Variants in ABHD16A observed in about 807,000 individuals in gnomAD.
ABHD16A encodes phosphatidylserine lipase ABHD16A.
A neutral mutation model predicts 89.8 loss-of-function variants in ABHD16A; 47 were observed. That is an observed-to-expected ratio of 0.52 (90% confidence interval 0.41 to 0.67). The LOEUF is 0.67. Ranked by LOEUF, ABHD16A falls within the 30% of genes least tolerant of loss-of-function variation. The pLI, the probability that ABHD16A is intolerant of heterozygous loss-of-function variation, is 0.00. For synonymous variants in ABHD16A, 251 were observed against 280.4 expected (o/e 0.90, Z 1.05); for missense variants, 580 against 734.6 (o/e 0.79, Z 2.43).
chr6:31,688,182 G>A lies in ABHD16A; in HGVS notation c.1307+67C>T. 6.2e-7 allele frequency: 1 copy of A among 1,606,414 alleles called. No individual in the cohort carries two copies. The highest frequency in any genetic ancestry group is 1.3e-5 in the African/African-American group (1 of 74,880). On this transcript the variant is annotated intron_variant, in intron 15 of 19. Transcript: ENST00000395952. This position sits in a 1 kb window ranked among gnomAD's most constrained non-coding sequence, Gnocchi z 4.9. ...TAGATACCCAGGTTTCTGGTGGGCA[G>A]AGGTAGAAGGGACAAGTTCCTGGCC... is the stretch of plus-strand genomic sequence containing the variant.
At position 31,702,916 on chromosome 6, in the gene ABHD16A, A is replaced by T. The variant is rs148249163; in HGVS notation, c.132+234T>A. On this transcript the variant is annotated intron_variant, in intron 1 of 19. Transcript: ENST00000395952. Reference sequence around the variant, plus strand: ...CAGGGTCGGGGGGACGCGGAGAGGAAAGAACAAAGAGTGGCAGTCGGAATG... The same window carrying T: ...CAGGGTCGGGGGGACGCGGAGAGGATAGAACAAAGAGTGGCAGTCGGAATG... The T allele has an allele frequency of 5.0e-4, 656 of 1,304,468 alleles. 4 individuals carry two copies. In the African/African-American group the frequency reaches 9.5e-3, roughly 19 times the overall value. 80.8% of individuals were successfully genotyped at this position (1,304,468 alleles called of 1,614,324 possible).
At position 31,703,173 on chromosome 6, in the gene ABHD16A, T is replaced by C. The variant is rs1805195633; in HGVS notation, c.109A>G (p.Thr37Ala). Residue 37 changes from threonine (T) to alanine (A), a missense_variant, in exon 1 of 20, where the codon ACT (threonine) becomes GCT (alanine). Coordinates refer to ENST00000395952, the MANE Select transcript of ABHD16A (RefSeq NM_021160.3). ...ACCCAGGAGCTGGAATGGGGGGCAG[T>C]GACTGCCGTTGGCGTCTCAGGGACG... ...ASVPETPTAV[T>A]APHSSSWDTY... is the part of the protein sequence containing the mutation. The C allele has an allele frequency of 2.1e-6, 3 of 1,435,420 alleles. No individual in the cohort carries two copies. The highest frequency in any genetic ancestry group is 2.8e-6 in the Non-Finnish European group (3 of 1,087,936). 88.9% of individuals were successfully genotyped at this position (1,435,420 alleles called of 1,614,324 possible).
At chr6:31,699,869 G>A (rs979653657) in intron 4 of ABHD16A, among the ~76,000 whole-genome samples, 3 of 151,474 alleles carry the variant, frequency 2.0e-5, no homozygotes, top group Middle Eastern at 3.5e-3. Flanking sequence ...TCAGCCTCCC[G>A]AATAGCTGGG....
Position 31,701,353 on chromosome 6 carries a change from G to T in ABHD16A, c.190-13C>A. On this transcript the variant is annotated splice_polypyrimidine_tract_variant and intron_variant, in intron 2 of 19. Transcript: ENST00000395952. ...AGAATACTGAAGCCTGCAGCAGAGA[G>T]ACAGGGACAGGCAATCAATACACAC... 6.3e-7 allele frequency: 1 copy of T among 1,592,280 alleles called. No individual in the cohort carries two copies. Among genetic ancestry groups the T allele is most frequent in the Non-Finnish European group, 8.6e-7 (1 of 1,169,496 alleles).
At chr6:31,691,973 C>A in intron 7 of ABHD16A, 55 bp from the exon 8 acceptor site, 1 of 1,406,880 alleles carries the variant, frequency 7.1e-7, no homozygotes, top group East Asian at 2.4e-5. Context: ...GGGGACTGTG[C>A]TGGGGACCAT....
chr6:31,689,681 C>T lies in ABHD16A; in HGVS notation c.981G>A (p.Glu327=). 1.2e-6 allele frequency: 2 copies of T among 1,612,072 alleles called. No homozygotes were observed. Among genetic ancestry groups the T allele is most frequent in the African/African-American group, 1.3e-5 (1 of 75,038 alleles). Residue 327 remains glutamate (E), a synonymous_variant, in exon 12 of 20, where the codon GAG becomes GAA. Coordinates refer to ENST00000395952, the MANE Select transcript of ABHD16A (RefSeq NM_021160.3). ...GSTGVPFPQN[E]ANAMDVVVQF... Reference sequence around the variant, plus strand: ...GGACCACCACATCCATGGCATTAGCCTCATTCTGCGGGAATGGCACCCCCT... The same window carrying T: ...GGACCACCACATCCATGGCATTAGCTTCATTCTGCGGGAATGGCACCCCCT...
At chr6:31,689,750 C>T in intron 11 of ABHD16A, 46 bp from the exon 12 acceptor site, 1 of 1,577,968 alleles carries the variant, frequency 6.3e-7, no homozygotes, top group Non-Finnish European at 8.6e-7. Flanking sequence ...CACCAAAGGC[C>T]AGCTCACCTG....
At position 31,689,094 on chromosome 6, in the gene ABHD16A, TG is replaced by T; in HGVS notation, c.1106del (p.Pro369GlnfsTer6). 6.2e-7 allele frequency: 1 copy of T among 1,613,958 alleles called. No individual in the cohort carries two copies. The highest frequency in any genetic ancestry group is 8.5e-7 in the Non-Finnish European group (1 of 1,179,942). On this transcript the variant is annotated frameshift_variant, in exon 13 of 20. Transcript: ENST00000395952. LOFTEE classifies it high-confidence loss of function. ...FTATWAAMSY[P>X]DVSAMILDAS... Reference sequence around the variant, plus strand: ...CATCCAGGATCATGGCACTAACATCTGGGTAGGACATGGCTGCCCACGTGGC... The same window carrying T: ...CATCCAGGATCATGGCACTAACATCTGGTAGGACATGGCTGCCCACGTGGC...
rs1562105061 is a variant in ABHD16A, at chr6:31,693,324, AG to A, written c.503+34del. 1 of 1,611,402 alleles carries A rather than the reference AG, an allele frequency of 6.2e-7. No individual in the cohort carries two copies. The highest frequency in any genetic ancestry group is 1.3e-5 in the African/African-American group (1 of 74,882). ...GCAGAGATTTTCTGGAATGGTTCTA[AG>A]GGGAGAGATACAGCAAAAGAACTGG... On this transcript the variant is annotated intron_variant, in intron 6 of 19. Transcript: ENST00000395952. The surrounding 1 kb of genome is among the most constrained non-coding windows in gnomAD (Gnocchi z 5.0).
At chr6:31,699,533 G>C (rs1804725916) in intron 4 of ABHD16A, among the ~76,000 whole-genome samples, 1 of 149,230 alleles carries the variant, frequency 6.7e-6, no homozygotes, top group South Asian at 2.1e-4. Flanking sequence ...TTTGTGGTTA[G>C]CTTCTTCTAT....
chr6:31,703,158 T>C lies in ABHD16A; in HGVS notation c.124A>G (p.Ser42Gly). 1 of 1,427,482 alleles carries C rather than the reference T, an allele frequency of 7.0e-7. No homozygotes were observed. Among genetic ancestry groups the C allele is most frequent in the Non-Finnish European group, 9.2e-7 (1 of 1,082,908 alleles). 88.4% of individuals were successfully genotyped at this position (1,427,482 alleles called of 1,614,324 possible). ...GGAGGAACTCGACTCACCCAGGAGC[T>C]GGAATGGGGGGCAGTGACTGCCGTT... ...TPTAVTAPHS[S>G]SWDTYYQPRA... Residue 42 changes from serine (S) to glycine (G), a missense_variant, in exon 1 of 20, where the codon AGC becomes GGC. Around this residue, in one of 2 missense-constraint regions of ABHD16A, gnomAD observed 165 missense variants for 165.8 expected, o/e 1.00. Coordinates refer to ENST00000395952, the MANE Select transcript of ABHD16A (RefSeq NM_021160.3).
chr6:31,688,219 T>A lies in ABHD16A; in HGVS notation c.1307+30A>T, dbSNP rs772974669. The A allele has an allele frequency of 6.2e-7, 1 of 1,612,930 alleles. No individual in the cohort carries two copies. Among genetic ancestry groups the A allele is most frequent in the Non-Finnish European group, 8.5e-7 (1 of 1,179,160 alleles). The stretch of plus-strand genomic sequence containing the variant: ...ACAAGTTCCTGGCCATCTCTGGGGT[T>A]CCTGAGGGCCGAGATTCCCACGCAC... On this transcript the variant is annotated intron_variant, in intron 15 of 19. Transcript: ENST00000395952. This position sits in a 1 kb window ranked among gnomAD's most constrained non-coding sequence, Gnocchi z 4.9.
chr6:31,702,966 A>G, intron 1 of ABHD16A, 184 bp downstream of exon 1: 1 of 1,321,912 alleles, frequency 7.6e-7, no homozygotes, highest in Non-Finnish European at 9.7e-7. Context: ...AGCGAAAAAG[A>G]AAGGAGGCGG....
At chr6:31,702,502 T>G in intron 1 of ABHD16A, 3 of 1,040,350 alleles carry the variant, frequency 2.9e-6, no homozygotes, top group Non-Finnish European at 4.0e-6. Flanking sequence ...GCATCAGAAA[T>G]AAGAGTAGTT....
At chr6:31,691,433 C>T in intron 9 of ABHD16A, 146 bp downstream of exon 9, 1 of 672,518 alleles carries the variant, frequency 1.5e-6, no homozygotes, top group Non-Finnish European at 2.5e-6. Flanking sequence ...GGTTTCACTA[C>T]ATCACAAGGT....
intron 9 of ABHD16A, 179 bp downstream of exon 9, chr6:31,691,400 C>T (rs1164202955): frequency 3.4e-6 from 2 of 595,538 alleles, no homozygotes; most frequent in Non-Finnish European, 3.0e-6. Flanking sequence ...GTCTCTCCTA[C>T]TTCATCTGTT....
chr6:31,694,785 T>C (rs922438555), intron 5 of ABHD16A, among the ~76,000 whole-genome samples: 1 of 152,210 alleles, frequency 6.6e-6, no homozygotes, highest in Non-Finnish European at 1.5e-5. Context: ...CAGAAATTTT[T>C]TGACATTTCA....
intron 5 of ABHD16A, among the ~76,000 whole-genome samples, chr6:31,695,381 A>T (rs1283990781): frequency 6.6e-6 from 1 of 152,206 alleles, no homozygotes; most frequent in Non-Finnish European, 1.5e-5. Context: ...CAACAAAATT[A>T]AACATTTATA....
At chr6:31,692,198 T>C in intron 7 of ABHD16A, 1 of 371,600 alleles carries the variant, frequency 2.7e-6, no homozygotes. Context: ...TGTAACTGTC[T>C]ATACATAATA....
Sources: allele counts gnomAD v4.1 joint callset (sites outside exome capture counted in the v4.1 genomes callset), GRCh38; gene constraint gnomAD v4.1.1; regional missense constraint gnomAD v4.1.1; non-coding constraint Gnocchi (gnomAD v3.1); transcripts MANE v1.5; gene names NCBI Gene and HGNC (gene_info 2026-07-23, HGNC 2026-07-21).